The following ARHGAP6 variants were observed in gnomAD, a reference collection of about 807,000 sequenced individuals.
The protein encoded by ARHGAP6 is Rho GTPase activating protein 6, also known as rho GTPase-activating protein 6.
ARHGAP6 carries 16 observed loss-of-function variants against 55.7 expected under a neutral mutation model. That is an observed-to-expected ratio of 0.29 (90% CI 0.19 to 0.44). The LOEUF (loss-of-function observed/expected upper bound fraction) is 0.44, where lower values mean the gene tolerates loss of function less well. ARHGAP6 is among the 20% of genes least tolerant of loss of function. The pLI, the probability that ARHGAP6 is intolerant of heterozygous loss-of-function variation, is 1.00. For synonymous variants in ARHGAP6, 382 were observed against 360.9 expected (o/e 1.06, Z -0.66); for missense variants, 698 against 808.9 (o/e 0.86, Z 1.66).
chrX:11,350,653 CA>C (rs1386526173), intron 1 of ARHGAP6, among the ~76,000 whole-genome samples: 1 of 111,956 alleles, frequency 8.9e-6, no homozygotes, highest in East Asian at 2.8e-4. Flanking sequence ...CTGTCCCAAA[CA>C]GAATGAATTT....
intron 1 of ARHGAP6, among the ~76,000 whole-genome samples, chrX:11,287,686 C>T: frequency 8.9e-6 from 1 of 111,949 alleles, no homozygotes. Flanking sequence ...TTTCTGCACA[C>T]CAAGCATGCT....
chrX:11,517,865 C>T (rs758803896), intron 1 of ARHGAP6, among the ~76,000 whole-genome samples: 2 of 111,001 alleles, frequency 1.8e-5, no homozygotes, highest in South Asian at 7.8e-4. Flanking sequence ...ATAACTAACG[C>T]ATCCTGGGCT....
chrX:11,534,944 T>C (rs1390341604), intron 1 of ARHGAP6, among the ~76,000 whole-genome samples: 2 of 111,734 alleles, frequency 1.8e-5, no homozygotes, highest in Non-Finnish European at 3.8e-5. Context: ...TAAGGGCTAC[T>C]ATATTGAACA....
chrX:11,367,351 G>C (rs1331042610), intron 1 of ARHGAP6, among the ~76,000 whole-genome samples: 2 of 111,668 alleles, frequency 1.8e-5, no homozygotes, highest in African/African-American at 6.5e-5. Flanking sequence ...AGTTGAAGCT[G>C]GGGAAGAGTT....
At chrX:11,614,936 A>G (rs2052145648) in intron 1 of ARHGAP6, among the ~76,000 whole-genome samples, 1 of 110,308 alleles carries the variant, frequency 9.1e-6, no homozygotes, top group African/African-American at 3.3e-5. Flanking sequence ...TGAGGGGGCA[A>G]TAATGAAAAA....
At chrX:11,594,763 C>T (rs1207779787) in intron 1 of ARHGAP6, among the ~76,000 whole-genome samples, 2 of 111,823 alleles carry the variant, frequency 1.8e-5, no homozygotes. Flanking sequence ...ATTCCCGGTA[C>T]CAAAAAGGTT....
intron 1 of ARHGAP6, among the ~76,000 whole-genome samples, chrX:11,524,046 G>A (rs139328300): frequency 5.4e-5 from 6 of 111,645 alleles, no homozygotes; most frequent in Non-Finnish European, 9.4e-5. Flanking sequence ...GTTAACATGC[G>A]CAAAATATAT....
chrX:11,335,649 C>G, intron 1 of ARHGAP6: 1 of 287,927 alleles, frequency 3.5e-6, no homozygotes. Context: ...GGTTCCAAGT[C>G]TTTGCTGTTG....
chrX:11,605,909 G>C (rs1031537202), intron 1 of ARHGAP6, among the ~76,000 whole-genome samples: 1 of 110,307 alleles, frequency 9.1e-6, no homozygotes, highest in Non-Finnish European at 1.9e-5. Flanking sequence ...AGCTATATGA[G>C]AGCCAAGAGC....
chrX:11,584,069 C>A (rs1362328606), intron 1 of ARHGAP6, among the ~76,000 whole-genome samples: 1 of 111,862 alleles, frequency 8.9e-6, no homozygotes, highest in African/African-American at 3.2e-5. Context: ...TTTCTGTCTA[C>A]AAATCCAACT....
At chrX:11,428,649 C>T (rs1018133930) in intron 1 of ARHGAP6, among the ~76,000 whole-genome samples, 1 of 111,423 alleles carries the variant, frequency 9.0e-6, no homozygotes, top group Non-Finnish European at 1.9e-5. Flanking sequence ...GCCAGTTTGT[C>T]AGGGTCCCAC....
chrX:11,414,373 G>A (rs574697544), intron 1 of ARHGAP6, among the ~76,000 whole-genome samples: 2 of 111,029 alleles, frequency 1.8e-5, no homozygotes, highest in East Asian at 5.6e-4. Flanking sequence ...TTCTTCTTTT[G>A]GTATTTTTTT....
At chrX:11,460,774 C>T (rs994050880) in intron 1 of ARHGAP6, among the ~76,000 whole-genome samples, 4 of 111,761 alleles carry the variant, frequency 3.6e-5, no homozygotes, top group Non-Finnish European at 7.5e-5. Flanking sequence ...GTTCAAATCC[C>T]AGTTCTACTG....
At chrX:11,327,253 C>T (rs1209741086) in intron 1 of ARHGAP6, among the ~76,000 whole-genome samples, 1 of 112,477 alleles carries the variant, frequency 8.9e-6, no homozygotes, top group East Asian at 2.8e-4. Flanking sequence ...AAAAGGACAT[C>T]TGACATTCAT....
At chrX:11,551,054 A>G (rs1332415744) in intron 1 of ARHGAP6, among the ~76,000 whole-genome samples, 1 of 111,995 alleles carries the variant, frequency 8.9e-6, no homozygotes. Context: ...AGTAGGGGAG[A>G]GAAGCAAGAT....
intron 1 of ARHGAP6, among the ~76,000 whole-genome samples, chrX:11,406,765 A>C (rs141000611): frequency 3.7e-4 from 41 of 111,865 alleles, no homozygotes; most frequent in Non-Finnish European, 6.2e-4. Context: ...ATTCTGTTTC[A>C]GTTTCCCATG....
At chrX:11,212,098 G>T (rs961493206) in intron 2 of ARHGAP6, among the ~76,000 whole-genome samples, 2 of 111,235 alleles carry the variant, frequency 1.8e-5, no homozygotes, top group African/African-American at 6.5e-5. Context: ...CTCCTAATTT[G>T]TTCTAAACCT....
intron 1 of ARHGAP6, among the ~76,000 whole-genome samples, chrX:11,267,731 C>G (rs1385947816): frequency 1.8e-5 from 2 of 112,065 alleles, no homozygotes; most frequent in Non-Finnish European, 3.8e-5. Flanking sequence ...TTGTGAAATT[C>G]CTAGTCTGTT....
At chrX:11,546,116 A>C (rs1473197233) in intron 1 of ARHGAP6, among the ~76,000 whole-genome samples, 1 of 110,714 alleles carries the variant, frequency 9.0e-6, no homozygotes, top group Non-Finnish European at 1.9e-5. Flanking sequence ...GTTTTCTGTG[A>C]ACTCCTGAAA....
Sources: gnomAD v4.1 joint callset for allele counts (sites outside exome capture counted in the v4.1 genomes callset) on GRCh38, gnomAD v4.1.1 for gene constraint, MANE v1.5 for transcripts, NCBI Gene and HGNC (gene_info 2026-07-23, HGNC 2026-07-21) for gene names.